Variants in SNTG2 observed in about 807,000 individuals in gnomAD.
SNTG2 encodes the protein syntrophin gamma 2, also known as gamma-2-syntrophin.
A neutral mutation model predicts 70.9 loss-of-function variants in SNTG2; 74 were observed. The ratio of observed to expected loss-of-function variants is 1.04; its 90% CI spans 0.86 to 1.27. SNTG2 has a LOEUF of 1.27. Among genes scored for constraint, SNTG2 ranks in the 50% most tolerant of loss-of-function variants. The pLI is 0.00. For synonymous variants in SNTG2, 278 were observed against 273.8 expected (o/e 1.02, Z -0.15); for missense variants, 717 against 690.7 (o/e 1.04, Z -0.43).
chr2:998,708 C>T lies in SNTG2; in HGVS notation c.72+47640C>T, dbSNP rs143294441. On this transcript the variant is annotated intron_variant, in intron 1 of 16. Transcript: ENST00000308624. ...GAAGAAAAAGTAAAAGTTTGGAAAA[C>T]ATATCTGAGGAAATAATTGAAAATA... Among the ~76,000 whole-genome samples the T allele has an allele frequency of 3.7e-3, 567 of 152,126 alleles. 2 individuals carry two copies. Among genetic ancestry groups the T allele is most frequent in the Non-Finnish European group, 6.7e-3 (457 of 67,964 alleles).
chr2:1,086,627 T>C (rs1184145987), intron 2 of SNTG2, among the ~76,000 whole-genome samples: 5 of 152,228 alleles, frequency 3.3e-5, no homozygotes, highest in Non-Finnish European at 7.3e-5. Flanking sequence ...AATGAAGGCC[T>C]CAGGCCACTG....
chr2:969,334 T>C (rs1660666512), intron 1 of SNTG2, among the ~76,000 whole-genome samples: 2 of 152,160 alleles, frequency 1.3e-5, no homozygotes, highest in Non-Finnish European at 2.9e-5. Context: ...TGAGGATTGC[T>C]TTGGCTATTC....
intron 4 of SNTG2, among the ~76,000 whole-genome samples, chr2:1,135,437 C>T (rs1332266773): frequency 6.6e-6 from 1 of 152,116 alleles, no homozygotes; most frequent in Admixed American, 6.5e-5. Context: ...CACATTACCT[C>T]GGCCAGGCGT....
At chr2:1,264,461 A>G (rs2148177723) in intron 13 of SNTG2, among the ~76,000 whole-genome samples, 1 of 152,164 alleles carries the variant, frequency 6.6e-6, no homozygotes, top group African/African-American at 2.4e-5. Context: ...CTTGAATAAC[A>G]CCCCGGGACC....
At chr2:1,057,590 G>A (rs1040622507) in intron 1 of SNTG2, among the ~76,000 whole-genome samples, 1 of 152,080 alleles carries the variant, frequency 6.6e-6, no homozygotes, top group Non-Finnish European at 1.5e-5. Flanking sequence ...GGCTGCACTG[G>A]CCCTGATTAG....
At chr2:1,150,430 G>T (rs1346472800) in intron 6 of SNTG2, among the ~76,000 whole-genome samples, 1 of 152,148 alleles carries the variant, frequency 6.6e-6, no homozygotes, top group African/African-American at 2.4e-5. Context: ...GGCAGGCCTG[G>T]GCACACATCT....
chr2:1,032,928 G>A (rs73908664), intron 1 of SNTG2, among the ~76,000 whole-genome samples: 43,743 of 152,124 alleles, frequency 0.29, 7,404 homozygotes, highest in Middle Eastern at 0.42. Context: ...CTAGATTCTG[G>A]GGAAGGCTCA....
chr2:1,171,928 C>T (rs1270072241), intron 7 of SNTG2, among the ~76,000 whole-genome samples: 6 of 152,162 alleles, frequency 3.9e-5, no homozygotes, highest in African/African-American at 7.2e-5. Context: ...CTGCACCAAG[C>T]GAGGCTGGTG....
intron 15 of SNTG2, among the ~76,000 whole-genome samples, chr2:1,312,361 T>TCTCACTCTC (rs1185744369): frequency 6.6e-6 from 1 of 152,180 alleles, no homozygotes; most frequent in African/African-American, 2.4e-5. Flanking sequence ...CACATCCTCT[T>TCTCACTCTC]CTCACTCTCT....
At chr2:1,016,942 C>T (rs749896551) in intron 1 of SNTG2, among the ~76,000 whole-genome samples, 32 of 152,292 alleles carry the variant, frequency 2.1e-4, no homozygotes, top group Non-Finnish European at 4.1e-4. Context: ...GGAATCATAC[C>T]TTATCCAACT....
intron 2 of SNTG2, among the ~76,000 whole-genome samples, chr2:1,089,621 C>T (rs1361920335): frequency 1.9e-5 from 2 of 104,670 alleles, no homozygotes; most frequent in African/African-American, 6.8e-5. Context: ...GGTGACAGAG[C>T]GAAACTCCGT....
intron 16 of SNTG2, among the ~76,000 whole-genome samples, chr2:1,350,081 A>G (rs760830920): frequency 6.6e-6 from 1 of 152,162 alleles, no homozygotes; most frequent in Non-Finnish European, 1.5e-5. Flanking sequence ...CATTTAGGAA[A>G]TCGGATGGCC....
At chr2:1,038,237 A>G (rs1661242395) in intron 1 of SNTG2, among the ~76,000 whole-genome samples, 1 of 152,240 alleles carries the variant, frequency 6.6e-6, no homozygotes, top group African/African-American at 2.4e-5. Context: ...AACTGCTGTC[A>G]GTATTCAATA....
intron 16 of SNTG2, among the ~76,000 whole-genome samples, chr2:1,354,294 C>CCTCCACTTT (rs1326727493): frequency 1.2e-5 from 1 of 83,178 alleles, no homozygotes; most frequent in Non-Finnish European, 2.3e-5. Flanking sequence ...GTTCCCTGAG[C>CCTCCACTTT]CTCATCTGTA....
At chr2:1,017,074 A>G (rs1659918018) in intron 1 of SNTG2, among the ~76,000 whole-genome samples, 1 of 150,962 alleles carries the variant, frequency 6.6e-6, no homozygotes, top group Non-Finnish European at 1.5e-5. Flanking sequence ...ACAGAAAAAG[A>G]AAATCTTGTG....
chr2:1,359,781 C>A (rs990877597), intron 16 of SNTG2, among the ~76,000 whole-genome samples: 3 of 152,138 alleles, frequency 2.0e-5, no homozygotes, highest in Non-Finnish European at 4.4e-5. Context: ...TCTAGTCCAC[C>A]AATAAACCCA....
chr2:1,039,886 A>G (rs1362924629), intron 1 of SNTG2, among the ~76,000 whole-genome samples: 11 of 152,126 alleles, frequency 7.2e-5, no homozygotes, highest in Admixed American at 5.2e-4. Context: ...TTCTGCAGAC[A>G]GGAGGCTGGC....
At chr2:1,112,586 A>G (rs964762937) in intron 4 of SNTG2, among the ~76,000 whole-genome samples, 4 of 151,376 alleles carry the variant, frequency 2.6e-5, no homozygotes, top group African/African-American at 9.8e-5. Context: ...TCCTTTGAGA[A>G]AGATCGTGTG....
At chr2:1,257,289 GT>G (rs1265240873) in intron 12 of SNTG2, among the ~76,000 whole-genome samples, 1 of 152,294 alleles carries the variant, frequency 6.6e-6, no homozygotes, top group East Asian at 1.9e-4. Context: ...AATCAATCAT[GT>G]TGGCGAAGAT....
Sources: allele counts gnomAD v4.1 joint callset (sites outside exome capture counted in the v4.1 genomes callset), GRCh38; gene constraint gnomAD v4.1.1; transcripts MANE v1.5; gene names NCBI Gene and HGNC (gene_info 2026-07-23, HGNC 2026-07-21).